Variants in DAB1 observed in about 807,000 individuals in gnomAD.
DAB1 encodes disabled homolog 1.
Under a neutral mutation model 64.6 loss-of-function variants are expected in DAB1, and 15 were observed. That is an observed-to-expected ratio of 0.23 (90% CI 0.16 to 0.36). DAB1 has a LOEUF of 0.36. Ranked by LOEUF, DAB1 falls within the 10% of genes least tolerant of loss-of-function variation. The pLI is 1.00. For missense variants in DAB1, 596 were observed against 706.7 expected (o/e 0.84, Z 1.78); for synonymous variants, 235 against 251.9 (o/e 0.93, Z 0.64).
chr1:58,285,380 T>C (rs1661658370), intron 4 of DAB1, among the ~76,000 whole-genome samples: 1 of 152,210 alleles, frequency 6.6e-6, no homozygotes, highest in South Asian at 2.1e-4. Context: ...CATGATCTTA[T>C]ATCTAGAAAT....
intron 4 of DAB1, among the ~76,000 whole-genome samples, chr1:58,237,813 G>A (rs1306662123): frequency 3.3e-5 from 5 of 152,318 alleles, no homozygotes; most frequent in East Asian, 1.9e-4. Context: ...CACTTTACAT[G>A]TTAGCCCAGA....
chr1:58,490,792 A>ATTTTTTTTTTTTTTT (rs1557438593), intron 3 of DAB1, among the ~76,000 whole-genome samples: 1 of 97,250 alleles, frequency 1.0e-5, no homozygotes, highest in African/African-American at 3.6e-5. Context: ...AATAGTCAAC[A>ATTTTTTTTTTTTTTT]TTCTTTTTTT....
At chr1:58,524,568 C>T (rs1180012385) in intron 2 of DAB1, among the ~76,000 whole-genome samples, 2 of 152,204 alleles carry the variant, frequency 1.3e-5, no homozygotes, top group Non-Finnish European at 2.9e-5. Flanking sequence ...GCAAGGTTTT[C>T]ATGCTTGCTG....
chr1:58,516,610 C>T (rs1646161351), intron 2 of DAB1, among the ~76,000 whole-genome samples: 1 of 152,086 alleles, frequency 6.6e-6, no homozygotes, highest in Non-Finnish European at 1.5e-5. Flanking sequence ...CACTCATAGC[C>T]AGTAGCAGAG....
In DAB1 at chr1:57,068,588, A is replaced by G. The variant is rs533202169; in HGVS notation, c.663+772T>C. On this transcript the variant is annotated intron_variant, in intron 8 of 14. Transcript: ENST00000371236. ...TTTTTTCTTCCCCTATAATGTTTCTATTTCAAATTGGGACTACAATACTAA... is the reference window on the plus strand; with the variant it reads ...TTTTTTCTTCCCCTATAATGTTTCTGTTTCAAATTGGGACTACAATACTAA... Among the ~76,000 whole-genome samples, 3 of 152,334 alleles carry G rather than the reference A, an allele frequency of 2.0e-5. No homozygotes were observed. In the South Asian group the frequency reaches 6.2e-4, roughly 32 times the overall value.
At chr1:57,156,372 G>T (rs1419488748) in intron 2 of DAB1, among the ~76,000 whole-genome samples, 1 of 152,112 alleles carries the variant, frequency 6.6e-6, no homozygotes, top group Non-Finnish European at 1.5e-5. Context: ...GCCCTTGCTA[G>T]TTCCTCTTCT....
intron 5 of DAB1, among the ~76,000 whole-genome samples, chr1:58,121,118 AT>A (rs566226203): frequency 6.6e-6 from 1 of 151,558 alleles, no homozygotes; most frequent in Admixed American, 6.6e-5. Flanking sequence ...GGGATCTTTG[AT>A]TTTTTTTCCC....
intron 7 of DAB1, among the ~76,000 whole-genome samples, chr1:57,561,081 G>A (rs1036507302): frequency 1.3e-5 from 2 of 152,180 alleles, no homozygotes; most frequent in African/African-American, 4.8e-5. Context: ...GCACAAGTAA[G>A]TTACATGAGG....
chr1:57,516,391 C>T (rs1384575646), intron 7 of DAB1, among the ~76,000 whole-genome samples: 1 of 152,152 alleles, frequency 6.6e-6, no homozygotes, highest in Non-Finnish European at 1.5e-5. Context: ...AGACATAAGA[C>T]CGGAGACTTT....
chr1:58,491,765 C>A (rs1212985805), intron 3 of DAB1, among the ~76,000 whole-genome samples: 2 of 152,196 alleles, frequency 1.3e-5, no homozygotes, highest in Non-Finnish European at 2.9e-5. Context: ...ATTCATAAAG[C>A]AAGTCCTTAG....
At chr1:57,709,525 C>T (rs368333113) in intron 6 of DAB1, among the ~76,000 whole-genome samples, 24 of 152,074 alleles carry the variant, frequency 1.6e-4, no homozygotes, top group African/African-American at 4.1e-4. Flanking sequence ...ATTACCCCAC[C>T]GCCTCAGAAA....
At chr1:58,350,809 G>C (rs1338846571) in intron 3 of DAB1, among the ~76,000 whole-genome samples, 1 of 152,000 alleles carries the variant, frequency 6.6e-6, no homozygotes, top group African/African-American at 2.4e-5. Context: ...CTGTTCTATT[G>C]GTCTATATAA....
chr1:57,991,260 C>A (rs1451801931), intron 5 of DAB1, among the ~76,000 whole-genome samples: 1 of 152,174 alleles, frequency 6.6e-6, no homozygotes, highest in Non-Finnish European at 1.5e-5. Context: ...TGGAATAATT[C>A]TCTAAAATAC....
intron 11 of DAB1, among the ~76,000 whole-genome samples, chr1:57,020,010 A>T (rs767185750): frequency 1.3e-5 from 2 of 152,212 alleles, no homozygotes; most frequent in Admixed American, 6.5e-5. Context: ...TCTTATCTAC[A>T]TTATCTCATT....
Position 58,491,257 on chromosome 1 carries a change from G to A in DAB1, n.257+14803C>T, listed in dbSNP as rs550631304. On this transcript the variant is annotated intron_variant and non_coding_transcript_variant, in intron 3 of 20. Transcript: ENST00000485760. ...CCAGGCCTGCCCTACAAGAGCTCCT[G>A]AAGGAAGCACTAAACATGGAAAGGA... 3.9e-5 allele frequency among the ~76,000 whole-genome samples: 6 copies of A among 152,268 alleles called. No individual in the cohort carries two copies. The South Asian group carries it at 1.2e-3, about 32-fold the overall frequency.
At chr1:57,585,104 C>G (rs1310441555) in intron 7 of DAB1, among the ~76,000 whole-genome samples, 1 of 151,864 alleles carries the variant, frequency 6.6e-6, no homozygotes, top group African/African-American at 2.4e-5. Flanking sequence ...CAAAAATTAG[C>G]TGGATGTGGT....
chr1:57,012,589 G>C (rs190155430), intron 12 of DAB1, among the ~76,000 whole-genome samples: 277 of 152,266 alleles, frequency 1.8e-3, no homozygotes, highest in Non-Finnish European at 3.2e-3. Context: ...ATACTGATGG[G>C]TCAGAGGATA....
At chr1:58,237,442 C>T (rs547528889) in intron 4 of DAB1, among the ~76,000 whole-genome samples, 1 of 152,284 alleles carries the variant, frequency 6.6e-6, no homozygotes, top group African/African-American at 2.4e-5. Context: ...AGGATGTGTG[C>T]TTCCAGGCAA....
At chr1:57,238,895 C>CACA (rs1558002698) in intron 2 of DAB1, among the ~76,000 whole-genome samples, 39 of 124,784 alleles carry the variant, frequency 3.1e-4, no homozygotes, top group African/African-American at 1.0e-3. Context: ...ACACACACAC[C>CACA]CCTAACTTGA....
Sources: allele counts gnomAD v4.1 joint callset (sites outside exome capture counted in the v4.1 genomes callset), GRCh38; gene constraint gnomAD v4.1.1; transcripts MANE v1.5; gene names NCBI Gene and HGNC (gene_info 2026-07-23, HGNC 2026-07-21).